Variants in CNTN5 observed in about 807,000 individuals in gnomAD.
The protein encoded by CNTN5 is contactin-5.
Under a neutral mutation model 129.1 loss-of-function variants are expected in CNTN5, and 77 were observed. The observed-to-expected ratio is 0.60, with a 90% confidence interval of 0.50 to 0.72. CNTN5 has a LOEUF of 0.72. Ranked by LOEUF, CNTN5 falls within the 30% of genes least tolerant of loss-of-function variation. The pLI, the probability that CNTN5 is intolerant of heterozygous loss-of-function variation, is 0.00. For missense variants in CNTN5, 1,478 were observed against 1,328.8 expected, an observed-to-expected ratio of 1.11 and a Z score of -1.75; for synonymous variants, 509 against 465.6, an observed-to-expected ratio of 1.09 and a Z score of -1.20.
intron 10 of CNTN5, among the ~76,000 whole-genome samples, chr11:100,064,822 G>T (rs955186676): frequency 6.6e-6 from 1 of 152,014 alleles, no homozygotes; most frequent in Non-Finnish European, 1.5e-5. Context: ...AAGAAATGCA[G>T]AACAAAGTAA....
At chr11:99,099,309 T>A (rs1866613399) in intron 1 of CNTN5, among the ~76,000 whole-genome samples, 3 of 152,116 alleles carry the variant, frequency 2.0e-5, no homozygotes. Context: ...CTTCAAGGCA[T>A]ATAAATGTAT....
chr11:99,781,695 A>G (rs1335605416), intron 3 of CNTN5, among the ~76,000 whole-genome samples: 3 of 152,242 alleles, frequency 2.0e-5, no homozygotes, highest in African/African-American at 7.2e-5. Context: ...TACTTTAAGC[A>G]TTCAAGAACG....
chr11:99,379,675 T>A (rs1555126109), intron 2 of CNTN5, among the ~76,000 whole-genome samples: 1 of 152,166 alleles, frequency 6.6e-6, no homozygotes, highest in Non-Finnish European at 1.5e-5. Flanking sequence ...ATGTGTATTG[T>A]TATATATATA....
At chr11:100,270,773 A>G (rs139731214) in intron 17 of CNTN5, among the ~76,000 whole-genome samples, 25 of 152,330 alleles carry the variant, frequency 1.6e-4, no homozygotes, top group Admixed American at 1.3e-3. Context: ...AACTGTTTAA[A>G]TTATAGTTCT....
At chr11:99,902,201 G>T (rs1949375811) in intron 6 of CNTN5, among the ~76,000 whole-genome samples, 1 of 150,122 alleles carries the variant, frequency 6.7e-6, no homozygotes, top group Non-Finnish European at 1.5e-5. Flanking sequence ...ACCAGAGCGT[G>T]GATCTACTCC....
At position 100,071,735 on chromosome 11, in the gene CNTN5, A is replaced by G. The variant is rs1943931493; in HGVS notation, c.1330A>G (p.Met444Val). The G allele has an allele frequency of 6.3e-7, 1 of 1,594,878 alleles. No homozygotes were observed. Among genetic ancestry groups the G allele is most frequent in the Middle Eastern group, 1.7e-4 (1 of 6,028 alleles). Residue 444 changes from methionine (M) to valine (V), a missense_variant, in exon 12 of 25, where the codon ATG (methionine) becomes GTG (valine). By Grantham distance (21) the Met-to-Val change is conservative (BLOSUM62 1). Transcript: ENST00000524871. ...GGTTGAGATGGTTAATGGAGTATTG[A>G]TGATCCACAATGTGAATCAATCAGA... ...SRVEMVNGVL[M>V]IHNVNQSDAG...
chr11:99,319,501 T>C (rs1490457721), intron 1 of CNTN5, among the ~76,000 whole-genome samples: 1 of 152,180 alleles, frequency 6.6e-6, no homozygotes, highest in African/African-American at 2.4e-5. Context: ...AGCATTGGAA[T>C]TGGCTATTCA....
At chr11:99,125,749 T>C (rs1169009340) in intron 1 of CNTN5, among the ~76,000 whole-genome samples, 1 of 152,136 alleles carries the variant, frequency 6.6e-6, no homozygotes, top group African/African-American at 2.4e-5. Flanking sequence ...AATAAAAAAT[T>C]TACCACTTGC....
At chr11:100,121,438 T>G (rs999199138) in intron 13 of CNTN5, among the ~76,000 whole-genome samples, 1 of 151,718 alleles carries the variant, frequency 6.6e-6, no homozygotes, top group East Asian at 1.9e-4. Flanking sequence ...GTGACCAGAC[T>G]GTAGACAGAT....
chr11:100,207,242 G>A (rs952763063), intron 15 of CNTN5, among the ~76,000 whole-genome samples: 1 of 152,018 alleles, frequency 6.6e-6, no homozygotes, highest in African/African-American at 2.4e-5. Context: ...TAATAAATAG[G>A]TATGTCATTA....
intron 7 of CNTN5, among the ~76,000 whole-genome samples, chr11:99,934,610 C>T (rs1024422395): frequency 1.9e-4 from 29 of 152,032 alleles, no homozygotes; most frequent in African/African-American, 5.3e-4. Flanking sequence ...AAAATATGGG[C>T]GGGGCATGGT....
intron 7 of CNTN5, among the ~76,000 whole-genome samples, chr11:99,946,438 C>A (rs1270355941): frequency 6.6e-6 from 1 of 152,040 alleles, no homozygotes; most frequent in Non-Finnish European, 1.5e-5. Flanking sequence ...GATCGATACT[C>A]AACAAAGAAG....
At chr11:100,302,663 G>T (rs1321429298) in intron 20 of CNTN5, among the ~76,000 whole-genome samples, 1 of 151,480 alleles carries the variant, frequency 6.6e-6, no homozygotes, top group Non-Finnish European at 1.5e-5. Flanking sequence ...ATGTTATTGG[G>T]AGGGAAGCAG....
intron 1 of CNTN5, among the ~76,000 whole-genome samples, chr11:99,313,841 G>A (rs1865220478): frequency 6.6e-6 from 1 of 151,876 alleles, no homozygotes; most frequent in South Asian, 2.1e-4. Context: ...CAAAAACTTT[G>A]CCATCAGTTT....
chr11:99,117,709 C>G (rs1858108782), intron 1 of CNTN5, among the ~76,000 whole-genome samples: 1 of 152,082 alleles, frequency 6.6e-6, no homozygotes, highest in African/African-American at 2.4e-5. Flanking sequence ...GTAGGGCTCC[C>G]ATGATGGGAG....
At chr11:100,143,683 C>T (rs1266762532) in intron 13 of CNTN5, among the ~76,000 whole-genome samples, 2 of 152,076 alleles carry the variant, frequency 1.3e-5, no homozygotes, top group African/African-American at 4.8e-5. Context: ...TAATATGGTA[C>T]CCACTCTATT....
intron 3 of CNTN5, among the ~76,000 whole-genome samples, chr11:99,671,065 G>A (rs975589379): frequency 7.3e-5 from 11 of 151,290 alleles, no homozygotes; most frequent in African/African-American, 7.3e-5. Context: ...GCGCTTGCAC[G>A]TGCTCTCTCT....
intron 3 of CNTN5, among the ~76,000 whole-genome samples, chr11:99,730,455 C>T (rs186139596): frequency 6.6e-6 from 1 of 152,136 alleles, no homozygotes; most frequent in Admixed American, 6.5e-5. Context: ...CAAAGATAAA[C>T]ACCTCAATAT....
chr11:99,348,239 T>C (rs575999200), intron 2 of CNTN5, among the ~76,000 whole-genome samples: 1 of 152,102 alleles, frequency 6.6e-6, no homozygotes, highest in South Asian at 2.1e-4. Flanking sequence ...CTTGGGAGGC[T>C]GAGGCAGGAG....
Sources: allele counts gnomAD v4.1 joint callset (sites outside exome capture counted in the v4.1 genomes callset), GRCh38; gene constraint gnomAD v4.1.1; transcripts MANE v1.5; gene names NCBI Gene and HGNC (gene_info 2026-07-23, HGNC 2026-07-21).